The following ZCCHC17 variants were observed in gnomAD, a reference collection of about 807,000 sequenced individuals.
ZCCHC17 encodes zinc finger CCHC domain-containing protein 17.
A neutral mutation model predicts 30.6 loss-of-function variants in ZCCHC17; 18 were observed. That is an observed-to-expected ratio of 0.59 (90% CI 0.41 to 0.87). ZCCHC17 has a LOEUF of 0.87. Ranked by LOEUF, ZCCHC17 falls within the 40% of genes least tolerant of loss-of-function variation. The probability of loss-of-function intolerance (pLI) is 0.00; values close to 1 mark genes in which losing one functional copy is unlikely to be tolerated. For synonymous variants in ZCCHC17, 88 were observed against 92.4 expected, an observed-to-expected ratio of 0.95 and a Z score of 0.27; for missense variants, 263 against 284.2, an observed-to-expected ratio of 0.93 and a Z score of 0.54.
At chr1:31,329,778 A>G (rs545870364) in intron 3 of ZCCHC17, among the ~76,000 whole-genome samples, 54 of 152,280 alleles carry the variant, frequency 3.5e-4, no homozygotes, top group African/African-American at 1.3e-3. Flanking sequence ...TCTACCATTA[A>G]CTGGCTTCTT....
intron 2 of ZCCHC17, among the ~76,000 whole-genome samples, chr1:31,315,375 A>G (rs1646708252): frequency 6.6e-6 from 1 of 152,144 alleles, no homozygotes; most frequent in Non-Finnish European, 1.5e-5. Context: ...TTTGGGACCT[A>G]GTAATTAAAT....
intron 7 of ZCCHC17, among the ~76,000 whole-genome samples, chr1:31,349,730 T>TC (rs1173883413): frequency 2.0e-5 from 3 of 152,380 alleles, no homozygotes; most frequent in Admixed American, 1.3e-4. Flanking sequence ...TACCTTTTTT[T>TC]CATTTCACTT....
chr1:31,343,459 T>G (rs1639121513), intron 5 of ZCCHC17, among the ~76,000 whole-genome samples: 1 of 152,216 alleles, frequency 6.6e-6, no homozygotes, highest in Non-Finnish European at 1.5e-5. Context: ...ATGCTCAGTA[T>G]TCTCATCCTG....
At chr1:31,303,175 G>C (rs1646361429) in intron 1 of ZCCHC17, among the ~76,000 whole-genome samples, 1 of 152,056 alleles carries the variant, frequency 6.6e-6, no homozygotes, top group African/African-American at 2.4e-5. Context: ...CCAGCTACTT[G>C]GGAGGCTGAG....
chr1:31,364,184 C>G lies in ZCCHC17; in HGVS notation c.717C>G (p.His239Gln). The G allele has an allele frequency of 6.2e-7, 1 of 1,613,218 alleles. No individual in the cohort carries two copies. Among genetic ancestry groups the G allele is most frequent in the Non-Finnish European group, 8.5e-7 (1 of 1,179,786 alleles). ...KKKKKKHKKK[H>Q]KE ...AGAAGAAGAAGCACAAGAAGAAGCA[C>G]AAGGAGTGAGAGTATAAAGAGTGTA... is the stretch of plus-strand genomic sequence containing the variant. Residue 239 changes from histidine to glutamine, a missense_variant, in exon 8 of 8, where the codon CAC becomes CAG. Transcript: ENST00000344147.
chr1:31,340,394 CG>C (rs1224568287), intron 5 of ZCCHC17, among the ~76,000 whole-genome samples: 1 of 146,914 alleles, frequency 6.8e-6, no homozygotes, highest in Non-Finnish European at 1.5e-5. Context: ...CTCGGCTCAC[CG>C]CAACCTCCGC....
intron 5 of ZCCHC17, among the ~76,000 whole-genome samples, chr1:31,341,843 A>G (rs954601992): frequency 1.3e-5 from 2 of 152,230 alleles, no homozygotes; most frequent in African/African-American, 2.4e-5. Flanking sequence ...TATGGTAGAC[A>G]TACATGTAGC....
Position 31,364,156 on chromosome 1 carries a change from A to G in ZCCHC17, c.689A>G (p.Lys230Arg), listed in dbSNP as rs2148491492. 2 of 1,613,930 alleles carry G rather than the reference A, an allele frequency of 1.2e-6. No homozygotes were observed. The highest frequency in any genetic ancestry group is 1.1e-5 in the South Asian group (1 of 91,070). ...SKDSKAAKKK[K>R]KKKKHKKKHK... ...GACAGCAAGGCAGCAAAGAAGAAGA[A>G]AAAGAAGAAGAAGCACAAGAAGAAG... The change falls in exon 8 of 8, where the codon AAA (lysine) becomes AGA (arginine). Residue 230 changes from lysine to arginine, a missense_variant. By Grantham distance (26) the Lys-to-Arg change is conservative. Transcript: ENST00000344147.
At chr1:31,318,303 A>G in intron 2 of ZCCHC17, 3 of 1,329,914 alleles carry the variant, frequency 2.3e-6, no homozygotes. Context: ...TATAGTGACA[A>G]CATTACCCTC....
chr1:31,338,838 C>T, intron 4 of ZCCHC17, 119 bp from the exon 5 acceptor site: 1 of 636,748 alleles, frequency 1.6e-6, no homozygotes. Flanking sequence ...GTTCCTAGCA[C>T]AGTACCTGGT....
chr1:31,346,620 C>A lies in ZCCHC17; in HGVS notation c.318-20C>A. Reference sequence around the variant, plus strand: ...CATATCTCTTAAGGGGGCCGGCAGTCGGTATCTTTTTCATTATAGGCAAGA... The same window carrying A: ...CATATCTCTTAAGGGGGCCGGCAGTAGGTATCTTTTTCATTATAGGCAAGA... On this transcript the variant is annotated intron_variant, in intron 5 of 7. Transcript: ENST00000344147. The A allele has an allele frequency of 6.3e-7, 1 of 1,594,172 alleles. No individual in the cohort carries two copies. Among genetic ancestry groups the A allele is most frequent in the South Asian group, 1.1e-5 (1 of 89,132 alleles).
chr1:31,332,868 C>T (rs1020063463), intron 3 of ZCCHC17, among the ~76,000 whole-genome samples: 4 of 152,086 alleles, frequency 2.6e-5, no homozygotes, highest in Admixed American at 6.6e-5. Context: ...GTGATCCACC[C>T]GGCTCAGCCT....
intron 1 of ZCCHC17, among the ~76,000 whole-genome samples, chr1:31,303,653 A>G (rs886225599): frequency 6.6e-6 from 1 of 152,144 alleles, no homozygotes; most frequent in African/African-American, 2.4e-5. Flanking sequence ...TGTACTTTAA[A>G]ATTTTTTTTT....
At chr1:31,334,365 G>C (rs1213734425) in intron 3 of ZCCHC17, among the ~76,000 whole-genome samples, 33 of 150,146 alleles carry the variant, frequency 2.2e-4, no homozygotes, top group Admixed American at 4.0e-4. Context: ...GTGTGTGTGT[G>C]TGTGTGTGTG....
At chr1:31,333,411 T>G (rs572638617) in intron 3 of ZCCHC17, among the ~76,000 whole-genome samples, 1 of 152,206 alleles carries the variant, frequency 6.6e-6, no homozygotes, top group Admixed American at 6.5e-5. Flanking sequence ...TAATCGCAGC[T>G]ACTCGGGAGG....
chr1:31,344,198 C>T (rs993947060), intron 5 of ZCCHC17, among the ~76,000 whole-genome samples: 2 of 151,820 alleles, frequency 1.3e-5, no homozygotes, highest in African/African-American at 4.8e-5. Context: ...GCTGTGTTGC[C>T]CAGGCTGATC....
At chr1:31,302,494 G>A (rs889905735) in intron 1 of ZCCHC17, among the ~76,000 whole-genome samples, 11 of 152,170 alleles carry the variant, frequency 7.2e-5, no homozygotes, top group Non-Finnish European at 1.5e-4. Context: ...GCTCATCCTA[G>A]CTCTTCCATG....
chr1:31,315,198 C>T (rs750267056), intron 2 of ZCCHC17, among the ~76,000 whole-genome samples: 1 of 152,154 alleles, frequency 6.6e-6, no homozygotes, highest in Non-Finnish European at 1.5e-5. Context: ...AATGACTGGG[C>T]ATCCCTTTTT....
chr1:31,349,000 A>C, intron 7 of ZCCHC17, 26 bp downstream of exon 7: 1 of 1,544,064 alleles, frequency 6.5e-7, no homozygotes, highest in Non-Finnish European at 8.7e-7. Context: ...CTTTTATTTT[A>C]TCATGTCTTT....
Sources: allele counts gnomAD v4.1 joint callset (sites outside exome capture counted in the v4.1 genomes callset), GRCh38; gene constraint gnomAD v4.1.1; transcripts MANE v1.5; gene names NCBI Gene and HGNC (gene_info 2026-07-23, HGNC 2026-07-21).